The following CDH17 variants were observed in gnomAD, a reference collection of about 807,000 sequenced individuals.
CDH17 encodes cadherin 17, also known as cadherin-17.
CDH17 carries 67 observed loss-of-function variants against 86.3 expected under a neutral mutation model. That is an observed-to-expected ratio of 0.78 (90% CI 0.64 to 0.95). CDH17 has a LOEUF of 0.95. Among genes scored for constraint, CDH17 ranks in the 40% least tolerant of loss-of-function variants. The pLI is 0.00. For missense variants in CDH17, 993 were observed against 1,017.6 expected, an observed-to-expected ratio of 0.98 and a Z score of 0.33; for synonymous variants, 367 against 366.4, an observed-to-expected ratio of 1.00 and a Z score of -0.02.
chr8:94,185,319 G>A (rs1000960177), intron 3 of CDH17, among the ~76,000 whole-genome samples: 3 of 144,876 alleles, frequency 2.1e-5, no homozygotes, highest in Non-Finnish European at 3.0e-5. Flanking sequence ...ACACACCCCT[G>A]TAAAGAAGAA....
At chr8:94,152,963 C>G (rs1168128162) in intron 12 of CDH17, among the ~76,000 whole-genome samples, 2 of 152,200 alleles carry the variant, frequency 1.3e-5, no homozygotes, top group African/African-American at 2.4e-5. Flanking sequence ...CCACTATGCC[C>G]AGCCTAGCAA....
At chr8:94,184,802 T>C (rs187691649) in intron 3 of CDH17, among the ~76,000 whole-genome samples, 1 of 152,260 alleles carries the variant, frequency 6.6e-6, no homozygotes, top group East Asian at 1.9e-4. Context: ...CCCTGGTGAG[T>C]ACAGAGCTGG....
At chr8:94,171,413 C>A (rs1257256278) in intron 7 of CDH17, among the ~76,000 whole-genome samples, 1 of 152,178 alleles carries the variant, frequency 6.6e-6, no homozygotes, top group East Asian at 1.9e-4. Flanking sequence ...AGGGGCCACT[C>A]TGAAGTCTTC....
chr8:94,198,151 GT>G, intron 1 of CDH17, among the ~76,000 whole-genome samples: 1 of 152,056 alleles, frequency 6.6e-6, no homozygotes, highest in Non-Finnish European at 1.5e-5. Flanking sequence ...ATGTATGTAT[GT>G]ATATATATTT....
intron 15 of CDH17, 94 bp downstream of exon 15, chr8:94,145,834 A>T: frequency 1.5e-6 from 2 of 1,330,302 alleles, no homozygotes; most frequent in African/African-American, 2.9e-5. Context: ...CATGAAAGAA[A>T]GCTCTTTGCT....
chr8:94,153,682 A>G (rs1812896324), intron 12 of CDH17, among the ~76,000 whole-genome samples: 1 of 152,214 alleles, frequency 6.6e-6, no homozygotes, highest in Non-Finnish European at 1.5e-5. Flanking sequence ...ACACACATAT[A>G]TATATACACA....
chr8:94,198,311 C>A (rs1357939485), intron 1 of CDH17, among the ~76,000 whole-genome samples: 1 of 152,132 alleles, frequency 6.6e-6, no homozygotes, highest in African/African-American at 2.4e-5. Flanking sequence ...ATTTGGTTGA[C>A]ATATCTAAAC....
chr8:94,211,510 A>G (rs905992566), upstream of CDH17, among the ~76,000 whole-genome samples: 3 of 152,104 alleles, frequency 2.0e-5, no homozygotes, highest in Non-Finnish European at 4.4e-5. Context: ...ACGGGGTTTA[A>G]CCATGTTGGC....
At chr8:94,165,570 G>A (rs978933391) in intron 10 of CDH17, among the ~76,000 whole-genome samples, 191 bp downstream of exon 10, 4 of 152,190 alleles carry the variant, frequency 2.6e-5, no homozygotes, top group African/African-American at 9.6e-5. Context: ...CACAACAATG[G>A]TGCCTGAGCT....
At chr8:94,131,670 G>A (rs1812418833) in intron 15 of CDH17, among the ~76,000 whole-genome samples, 1 of 151,702 alleles carries the variant, frequency 6.6e-6, no homozygotes, top group African/African-American at 2.4e-5. Flanking sequence ...CATCTTTTAG[G>A]TTTGACCCTG....
chr8:94,216,137 G>A (rs1814190447), intron 1 of CDH17, among the ~76,000 whole-genome samples: 1 of 149,684 alleles, frequency 6.7e-6, no homozygotes, highest in Non-Finnish European at 1.5e-5. Context: ...GAGACAAGGA[G>A]GCCAAATTCT....
intron 15 of CDH17, among the ~76,000 whole-genome samples, chr8:94,142,680 T>C (rs899035024): frequency 1.3e-5 from 2 of 152,218 alleles, no homozygotes; most frequent in Non-Finnish European, 2.9e-5. Context: ...ATATTCTAAA[T>C]CCTTGCTTGT....
upstream of CDH17, among the ~76,000 whole-genome samples, chr8:94,208,959 G>A (rs1375909112): frequency 2.6e-5 from 4 of 152,116 alleles, no homozygotes; most frequent in South Asian, 2.1e-4. Flanking sequence ...CACAAAAGAC[G>A]GAGCAGGGGC....
chr8:94,200,527 ATTATCTTTTG>A (rs1813885173), intron 1 of CDH17, among the ~76,000 whole-genome samples: 2 of 63,238 alleles, frequency 3.2e-5, no homozygotes, highest in African/African-American at 1.2e-4. Context: ...GGTTATTATT[ATTATCTTTTG>A]TTTTTTTTTT....
chr8:94,148,406 G>A (rs763321089), intron 14 of CDH17, among the ~76,000 whole-genome samples: 9 of 151,892 alleles, frequency 5.9e-5, no homozygotes, highest in Non-Finnish European at 1.0e-4. Flanking sequence ...GCCAGGCATG[G>A]TGGTGGGTGC....
In CDH17 at chr8:94,188,709, C is replaced by A. The variant is rs115190689; in HGVS notation, c.150+478G>T. ...TCTAACTAAATAAAACGTCCACCTC[C>A]CAGTGCACCTTGACAATGGCCCACA... On this transcript the variant is annotated intron_variant, in intron 3 of 17. Transcript: ENST00000027335. Among the ~76,000 whole-genome samples the A allele has an allele frequency of 2.5e-3, 383 of 152,330 alleles. 1 individual carries two copies. The highest frequency in any genetic ancestry group is 8.9e-3 in the African/African-American group (370 of 41,574).
In CDH17 at chr8:94,128,256, T is replaced by C; in HGVS notation, c.2483A>G (p.Lys828Arg). ...TTTTCAAATTCAGCTTCTCAGAGGT[T>C]TGACTTCAGATGCTTGAGCACTTTC... ...NVESAQASEV[K>R]PLRS The change falls in exon 18 of 18, where the codon AAA becomes AGA. Residue 828 changes from lysine (K) to arginine (R), a missense_variant. By Grantham distance (26) the Lys-to-Arg change is conservative (BLOSUM62 2). Transcript: ENST00000027335. The C allele has an allele frequency of 6.2e-7, 1 of 1,612,018 alleles. No individual in the cohort carries two copies. The highest frequency in any genetic ancestry group is 8.5e-7 in the Non-Finnish European group (1 of 1,178,282).
chr8:94,213,798 A>G (rs72670397), intron 1 of CDH17, among the ~76,000 whole-genome samples: 14,943 of 152,076 alleles, frequency 0.098, 987 homozygotes, highest in Non-Finnish European at 0.14. Context: ...CACAACTTTC[A>G]ACACCATGGC....
At chr8:94,199,085 T>TA (rs1563589632) in intron 1 of CDH17, among the ~76,000 whole-genome samples, 46 of 17,852 alleles carry the variant, frequency 2.6e-3, no homozygotes, top group African/African-American at 5.8e-3. Context: ...ATATATATAT[T>TA]TTTTTTTTTT....
Sources: gnomAD v4.1 joint callset for allele counts (sites outside exome capture counted in the v4.1 genomes callset) on GRCh38, gnomAD v4.1.1 for gene constraint, MANE v1.5 for transcripts, NCBI Gene and HGNC (gene_info 2026-07-23, HGNC 2026-07-21) for gene names.